Variants in RALYL observed in about 807,000 individuals in gnomAD.
RALYL encodes the protein RNA-binding Raly-like protein.
Under a neutral mutation model 35.1 loss-of-function variants are expected in RALYL, and 29 were observed. That is an observed-to-expected ratio of 0.83 (90% CI 0.61 to 1.13). RALYL has a LOEUF of 1.13. RALYL is among the 50% of genes most tolerant of loss of function. The probability of loss-of-function intolerance (pLI) is 0.00; values close to 1 mark genes in which losing one functional copy is unlikely to be tolerated. For synonymous variants in RALYL, 120 were observed against 127.6 expected (o/e 0.94, Z 0.40); for missense variants, 359 against 360.4 (o/e 1.00, Z 0.03).
At chr8:84,253,956 A>G (rs894812327) in intron 1 of RALYL, among the ~76,000 whole-genome samples, 1 of 152,168 alleles carries the variant, frequency 6.6e-6, no homozygotes, top group African/African-American at 2.4e-5. Context: ...GTTGCTGAAT[A>G]GCTGAAAATA....
intron 1 of RALYL, among the ~76,000 whole-genome samples, chr8:84,332,459 A>AGGGGCAGGGGAATTCTC (rs1847011937): frequency 1.3e-5 from 2 of 152,134 alleles, no homozygotes. Context: ...CAGAGGACAA[A>AGGGGCAGGGGAATTCTC]GGGGCAGGGG....
intron 1 of RALYL, among the ~76,000 whole-genome samples, chr8:84,487,987 T>A (rs2054835159): frequency 6.6e-6 from 1 of 152,060 alleles, no homozygotes; most frequent in African/African-American, 2.4e-5. Context: ...TGGTGTGAGA[T>A]TATGAAACAT....
chr8:84,679,743 C>T, intron 2 of RALYL: 2 of 522,992 alleles, frequency 3.8e-6, no homozygotes, highest in Non-Finnish European at 7.8e-6. Context: ...TGGCCACTAA[C>T]AGACCTGATA....
At chr8:84,390,546 C>G (rs899580247) in intron 1 of RALYL, among the ~76,000 whole-genome samples, 4 of 152,060 alleles carry the variant, frequency 2.6e-5, no homozygotes, top group Middle Eastern at 3.2e-3. Context: ...TTCAGAGATT[C>G]AACTTCTTCC....
At chr8:84,379,688 C>A (rs1008762417) in intron 1 of RALYL, among the ~76,000 whole-genome samples, 2 of 151,254 alleles carry the variant, frequency 1.3e-5, no homozygotes, top group African/African-American at 4.9e-5. Flanking sequence ...AAACAAAAAA[C>A]TAAAAGAAGA....
intron 1 of RALYL, among the ~76,000 whole-genome samples, chr8:84,286,147 G>GT (rs925648729): frequency 4.0e-5 from 6 of 151,756 alleles, no homozygotes; most frequent in East Asian, 1.9e-4. Context: ...TGACTTGAAT[G>GT]TTTTTTTTGA....
At chr8:84,396,077 T>G (rs1341297397) in intron 1 of RALYL, among the ~76,000 whole-genome samples, 1 of 152,016 alleles carries the variant, frequency 6.6e-6, no homozygotes. Context: ...ATATTTCTAT[T>G]TTCATTTGAT....
At chr8:84,902,106 T>C (rs1467911923) in intron 8 of RALYL, among the ~76,000 whole-genome samples, 2 of 152,106 alleles carry the variant, frequency 1.3e-5, no homozygotes, top group Non-Finnish European at 2.9e-5. Context: ...TATAAAGAAA[T>C]ACCTAAGACT....
intron 1 of RALYL, among the ~76,000 whole-genome samples, chr8:84,297,303 G>T (rs1839942087): frequency 6.6e-6 from 1 of 151,948 alleles, no homozygotes; most frequent in Admixed American, 6.6e-5. Flanking sequence ...GAGAATATGT[G>T]GTATTTAGTT....
At chr8:84,377,459 T>G (rs903857328) in intron 1 of RALYL, among the ~76,000 whole-genome samples, 2 of 139,932 alleles carry the variant, frequency 1.4e-5, no homozygotes, top group Admixed American at 6.9e-5. Flanking sequence ...CTGTTTTTTT[T>G]TTTTTTTTTT....
At chr8:84,510,850 T>G (rs2134406823) in intron 1 of RALYL, among the ~76,000 whole-genome samples, 1 of 152,134 alleles carries the variant, frequency 6.6e-6, no homozygotes, top group East Asian at 1.9e-4. Flanking sequence ...TGGGGAAGCT[T>G]GTGATGTTTT....
intron 2 of RALYL, among the ~76,000 whole-genome samples, chr8:84,686,109 G>A (rs1485171629): frequency 6.6e-6 from 1 of 152,154 alleles, no homozygotes; most frequent in Non-Finnish European, 1.5e-5. Context: ...TCATGCATAA[G>A]TAACCTTAAT....
intron 4 of RALYL, among the ~76,000 whole-genome samples, chr8:84,814,296 T>A (rs1826648586): frequency 6.6e-6 from 1 of 152,100 alleles, no homozygotes. Context: ...AGTTACATTA[T>A]AAAAAGCAAA....
chr8:84,848,300 T>C (rs186890698), intron 4 of RALYL, among the ~76,000 whole-genome samples: 2 of 152,204 alleles, frequency 1.3e-5, no homozygotes, highest in East Asian at 3.9e-4. Context: ...TATGTCAGTA[T>C]ACATATATAT....
At chr8:84,559,865 G>T (rs1399450152) in intron 2 of RALYL, among the ~76,000 whole-genome samples, 1 of 151,846 alleles carries the variant, frequency 6.6e-6, no homozygotes, top group African/African-American at 2.4e-5. Flanking sequence ...AGGGGGGAAA[G>T]GAGGCTGCTA....
intron 2 of RALYL, among the ~76,000 whole-genome samples, chr8:84,727,719 C>T (rs921271262): frequency 2.0e-5 from 3 of 148,930 alleles, no homozygotes; most frequent in Non-Finnish European, 3.0e-5. Flanking sequence ...GAGAATATGC[C>T]GTGTTTGGTT....
At chr8:84,620,944 T>G (rs1440987305) in intron 2 of RALYL, among the ~76,000 whole-genome samples, 1 of 152,150 alleles carries the variant, frequency 6.6e-6, no homozygotes, top group East Asian at 1.9e-4. Context: ...GGAGGCAGTC[T>G]GCCCGTTCTC....
intron 1 of RALYL, among the ~76,000 whole-genome samples, chr8:84,275,005 A>G (rs1835076396): frequency 1.3e-5 from 2 of 152,332 alleles, no homozygotes; most frequent in Non-Finnish European, 2.9e-5. Context: ...GTGACTGACC[A>G]TATTTGCATC....
At chr8:84,807,159 C>G (rs916834044) in intron 4 of RALYL, among the ~76,000 whole-genome samples, 2 of 152,140 alleles carry the variant, frequency 1.3e-5, no homozygotes, top group African/African-American at 2.4e-5. Context: ...CCCTCACCCC[C>G]CTCCCAACCT....
Sources: allele counts gnomAD v4.1 joint callset (sites outside exome capture counted in the v4.1 genomes callset), GRCh38; gene constraint gnomAD v4.1.1; transcripts MANE v1.5; gene names NCBI Gene and HGNC (gene_info 2026-07-23, HGNC 2026-07-21).